Variants in CTIF observed in about 807,000 individuals in gnomAD.
CTIF encodes the protein CBP80/20-dependent translation initiation factor.
CTIF carries 21 observed loss-of-function variants against 66.0 expected under a neutral mutation model. That is an observed-to-expected ratio of 0.32 (90% CI 0.23 to 0.46). The LOEUF (loss-of-function observed/expected upper bound fraction) is 0.46. CTIF is among the 20% of genes least tolerant of loss of function. CTIF has a pLI of 1.00. For synonymous variants in CTIF, 345 were observed against 326.4 expected (o/e 1.06, Z -0.62); for missense variants, 739 against 812.7 (o/e 0.91, Z 1.10).
intron 9 of CTIF, among the ~76,000 whole-genome samples, chr18:48,811,475 A>C (rs919165013): frequency 5.3e-5 from 8 of 152,210 alleles, no homozygotes; most frequent in Non-Finnish European, 1.2e-4. Flanking sequence ...GTACAGTTCA[A>C]TAGTGTAGAG....
chr18:48,593,612 G>C (rs2089934099), intron 1 of CTIF, among the ~76,000 whole-genome samples: 1 of 151,890 alleles, frequency 6.6e-6, no homozygotes, highest in Non-Finnish European at 1.5e-5. Context: ...TCGATCTCCT[G>C]ACCTCGTGAT....
At chr18:48,542,530 A>G (rs2088644975) in intron 1 of CTIF, among the ~76,000 whole-genome samples, 1 of 152,226 alleles carries the variant, frequency 6.6e-6, no homozygotes, top group Non-Finnish European at 1.5e-5. Flanking sequence ...AACTTAACAA[A>G]TGTTAATTAA....
intron 3 of CTIF, among the ~76,000 whole-genome samples, chr18:48,646,302 G>T (rs2091029767): frequency 6.6e-6 from 1 of 152,158 alleles, no homozygotes; most frequent in Admixed American, 6.6e-5. Flanking sequence ...TGTACAGATG[G>T]CAGATAAGCA....
chr18:48,735,446 G>A (rs1199082599), intron 7 of CTIF, among the ~76,000 whole-genome samples: 6 of 152,218 alleles, frequency 3.9e-5, no homozygotes, highest in African/African-American at 1.2e-4. Flanking sequence ...CAGGCAGCAA[G>A]TCCAAGAGAG....
At chr18:48,771,485 A>G (rs1387424371) in intron 9 of CTIF, among the ~76,000 whole-genome samples, 4 of 152,136 alleles carry the variant, frequency 2.6e-5, no homozygotes, top group African/African-American at 9.7e-5. Flanking sequence ...AGCTTTACCC[A>G]GGTCAGGAAT....
intron 6 of CTIF, among the ~76,000 whole-genome samples, chr18:48,689,736 G>C (rs1419883941): frequency 1.3e-5 from 2 of 152,196 alleles, no homozygotes; most frequent in Non-Finnish European, 2.9e-5. Flanking sequence ...CTGTACACAG[G>C]AGAGAGATTC....
intron 6 of CTIF, among the ~76,000 whole-genome samples, chr18:48,685,943 C>T (rs1369504706): frequency 6.6e-6 from 1 of 152,158 alleles, no homozygotes; most frequent in African/African-American, 2.4e-5. Flanking sequence ...TCCCAAAGTG[C>T]TAGAATTACA....
intron 9 of CTIF, among the ~76,000 whole-genome samples, chr18:48,770,133 A>T (rs1490612108): frequency 1.3e-5 from 2 of 152,234 alleles, no homozygotes; most frequent in Non-Finnish European, 2.9e-5. Context: ...AGGAAAGAAA[A>T]TGACCACTGA....
At chr18:48,583,774 G>T (rs1599185111) in intron 1 of CTIF, among the ~76,000 whole-genome samples, 1 of 152,318 alleles carries the variant, frequency 6.6e-6, no homozygotes, top group South Asian at 2.1e-4. Context: ...CCTGAACTGA[G>T]CATGGATGGA....
rs1208260173 is a variant in CTIF, at chr18:48,862,355, A to G, written c.*2796A>G. ...AGCCATCTGATGTTGATCCTGTCTCAGTCTCCCCACTGCCTGTCAGGATGA... is the reference window on the plus strand; with the variant it reads ...AGCCATCTGATGTTGATCCTGTCTCGGTCTCCCCACTGCCTGTCAGGATGA... On this transcript the variant is annotated 3_prime_UTR_variant, in exon 12 of 12. Transcript: ENST00000256413. 6.6e-6 allele frequency: 1 copy of G among 152,434 alleles called. No individual in the cohort carries two copies. Among genetic ancestry groups the G allele is most frequent in the Non-Finnish European group, 1.5e-5 (1 of 68,058 alleles). The allele number at this position is 152,434 out of a possible 1,614,324, so 9.4% of individuals were successfully genotyped here. A position where few individuals can be genotyped will look rare whatever the true frequency, so the allele number is the denominator to read the frequency against.
intron 7 of CTIF, among the ~76,000 whole-genome samples, chr18:48,730,658 T>C (rs146127080): frequency 0.13 from 5,527 of 42,864 alleles, 1,121 homozygotes; most frequent in East Asian, 0.61. Flanking sequence ...GAGGGGCTTC[T>C]GCGGTGTGAG....
In CTIF at chr18:48,776,842, AT is replaced by A. The variant is rs374801021; in HGVS notation, c.1371+15156del. Among the ~76,000 whole-genome samples the A allele has an allele frequency of 4.5e-3, 688 of 152,338 alleles. 3 individuals carry two copies. Among genetic ancestry groups the A allele is most frequent in the African/African-American group, 0.015 (639 of 41,594 alleles). On this transcript the variant is annotated intron_variant, in intron 9 of 11. Transcript: ENST00000256413. ...CCAAACAGGGAACCAGAAGCTGAGGATTTAAAGGCTCGGCGTGGGAGGAGGT... is the reference window on the plus strand; with the variant it reads ...CCAAACAGGGAACCAGAAGCTGAGGATTAAAGGCTCGGCGTGGGAGGAGGT...
chr18:48,714,913 G>C (rs2092264903), intron 7 of CTIF, among the ~76,000 whole-genome samples: 1 of 152,246 alleles, frequency 6.6e-6, no homozygotes, highest in African/African-American at 2.4e-5. Context: ...CACGGTCTTA[G>C]TGTTGGCCCA....
intron 9 of CTIF, among the ~76,000 whole-genome samples, chr18:48,770,307 T>TGC (rs1568204328): frequency 1.9e-4 from 29 of 152,198 alleles, no homozygotes; most frequent in African/African-American, 6.3e-4. Flanking sequence ...CCTGCCTCTT[T>TGC]GCCACTGCGC....
intron 3 of CTIF, among the ~76,000 whole-genome samples, chr18:48,644,187 T>C (rs2090984529): frequency 6.6e-6 from 1 of 152,142 alleles, no homozygotes; most frequent in Non-Finnish European, 1.5e-5. Context: ...GGTCATTCCT[T>C]TGTTTATTTA....
intron 7 of CTIF, among the ~76,000 whole-genome samples, chr18:48,730,659 G>A (rs538729323): frequency 2.8e-5 from 4 of 145,014 alleles, no homozygotes; most frequent in African/African-American, 7.7e-5. Context: ...AGGGGCTTCT[G>A]CGGTGTGAGG....
At chr18:48,611,688 G>T (rs112983548) in intron 1 of CTIF, among the ~76,000 whole-genome samples, 410 of 152,284 alleles carry the variant, frequency 2.7e-3, no homozygotes, top group African/African-American at 9.4e-3. Flanking sequence ...TGTGATTGTC[G>T]TACTCATTAA....
intron 9 of CTIF, among the ~76,000 whole-genome samples, chr18:48,788,709 G>A (rs942174147): frequency 1.3e-5 from 2 of 152,108 alleles, no homozygotes; most frequent in Non-Finnish European, 2.9e-5. Context: ...GCTGTAATAG[G>A]AACAGGACAC....
chr18:48,626,235 A>G (rs180820971), intron 2 of CTIF, among the ~76,000 whole-genome samples: 79 of 152,156 alleles, frequency 5.2e-4, no homozygotes, highest in African/African-American at 1.7e-3. Context: ...CTCCTGACCC[A>G]GGTGATCCAC....
Sources: gnomAD v4.1 joint callset for allele counts (sites outside exome capture counted in the v4.1 genomes callset) on GRCh38, gnomAD v4.1.1 for gene constraint, MANE v1.5 for transcripts, NCBI Gene and HGNC (gene_info 2026-07-23, HGNC 2026-07-21) for gene names.